Variants in PRDM16 observed in about 807,000 individuals in gnomAD.
The protein encoded by PRDM16 is histone-lysine N-methyltransferase PRDM16.
In PRDM16, 23 loss-of-function variants were observed where a neutral mutation model predicts 110.6. That is an observed-to-expected ratio of 0.21 (90% CI 0.15 to 0.29). The LOEUF is 0.29. Among genes scored for constraint, PRDM16 ranks in the 10% least tolerant of loss-of-function variants. The pLI is 1.00. For synonymous variants in PRDM16, 799 were observed against 781.8 expected (o/e 1.02, Z -0.37); for missense variants, 1,615 against 1,794.3 (o/e 0.90, Z 1.81).
chr1:3,239,376 G>A (rs1320751119), intron 2 of PRDM16, among the ~76,000 whole-genome samples: 3 of 152,188 alleles, frequency 2.0e-5, no homozygotes, highest in South Asian at 2.1e-4. Flanking sequence ...TGCTCAGACT[G>A]TGTCCAGCAG....
intron 2 of PRDM16, among the ~76,000 whole-genome samples, chr1:3,223,265 G>T (rs1191380821): frequency 6.6e-6 from 1 of 152,008 alleles, no homozygotes; most frequent in East Asian, 1.9e-4. Flanking sequence ...TTTTAACTAG[G>T]GCGCGGCTCA....
intron 1 of PRDM16, among the ~76,000 whole-genome samples, chr1:3,107,566 T>G (rs1369849327): frequency 6.6e-6 from 1 of 152,244 alleles, no homozygotes; most frequent in Non-Finnish European, 1.5e-5. Flanking sequence ...GAGTAGCTGC[T>G]GGTTAACTTC....
At chr1:3,391,291 CA>C (rs1168724820) in intron 4 of PRDM16, among the ~76,000 whole-genome samples, 3 of 152,152 alleles carry the variant, frequency 2.0e-5, no homozygotes, top group South Asian at 2.1e-4. Context: ...CAAAAGACTC[CA>C]AAATACATGC....
In PRDM16 at chr1:3,316,649, C is replaced by CACAGTGACACAGGGTAGACAGGAA. The variant is rs1230143413; in HGVS notation, c.439-68469_439-68446dup. Among the ~76,000 whole-genome samples the CACAGTGACACAGGGTAGACAGGAA allele has an allele frequency of 2.0e-4, 29 of 145,298 alleles. No individual in the cohort carries two copies. In the East Asian group the frequency reaches 2.3e-3, roughly 11 times the overall value. On this transcript the variant is annotated intron_variant, in intron 3 of 16. Coordinates refer to ENST00000270722, the MANE Select transcript of PRDM16 (RefSeq NM_022114.4). ...ACACAGGGTAGGCAGAAAACAGTGA[C>CACAGTGACACAGGGTAGACAGGAA]ACAGTGACACAGGGTAGACAGGAAA...
At chr1:3,169,415 A>G (rs1249370419) in intron 1 of PRDM16, among the ~76,000 whole-genome samples, 1 of 152,070 alleles carries the variant, frequency 6.6e-6, no homozygotes, top group Non-Finnish European at 1.5e-5. Flanking sequence ...CGGGGGTTGG[A>G]AGATACCACA....
chr1:3,342,674 T>A (rs1642294211), intron 3 of PRDM16, among the ~76,000 whole-genome samples: 2 of 152,254 alleles, frequency 1.3e-5, no homozygotes, highest in South Asian at 2.1e-4. Context: ...CCAGCCGCTG[T>A]TCTGATGTCT....
At chr1:3,340,257 C>A (rs1169045305) in intron 3 of PRDM16, among the ~76,000 whole-genome samples, 1 of 152,086 alleles carries the variant, frequency 6.6e-6, no homozygotes, top group Non-Finnish European at 1.5e-5. Context: ...CAAGCAGACC[C>A]CACGAGCCCA....
intron 8 of PRDM16, among the ~76,000 whole-genome samples, chr1:3,410,603 G>A (rs1643669136): frequency 6.6e-6 from 1 of 152,194 alleles, no homozygotes; most frequent in South Asian, 2.1e-4. Context: ...CAACCCAGAG[G>A]CTGCCTTCTC....
In PRDM16 at chr1:3,243,878, G is replaced by A. The variant is rs1230930879; in HGVS notation, c.388-209G>A. Among the ~76,000 whole-genome samples, 2 of 152,210 alleles carry A rather than the reference G, an allele frequency of 1.3e-5. No individual in the cohort carries two copies. Among genetic ancestry groups the A allele is most frequent in the East Asian group, 1.9e-4 (1 of 5,168 alleles). On this transcript the variant is annotated intron_variant, in intron 2 of 16. Coordinates refer to ENST00000270722, the MANE Select transcript of PRDM16 (RefSeq NM_022114.4). This position sits in a 1 kb window ranked among gnomAD's most constrained non-coding sequence, Gnocchi z 5.5. ...CAGGGAGGTGAAGTCCCTGGGGGGC[G>A]CTTGGAGTCCTCGGTGACTGGGGGA...
At chr1:3,334,443 G>T (rs1642104555) in intron 3 of PRDM16, among the ~76,000 whole-genome samples, 3 of 152,184 alleles carry the variant, frequency 2.0e-5, no homozygotes, top group Admixed American at 2.0e-4. Flanking sequence ...TGTCACTAGG[G>T]TCATTTCTGA....
chr1:3,270,663 GA>G (rs1640426222), intron 3 of PRDM16, among the ~76,000 whole-genome samples: 4 of 109,838 alleles, frequency 3.6e-5, no homozygotes, highest in African/African-American at 1.1e-4. Context: ...GAACAGTCAG[GA>G]GGAGGACAGT....
At position 3,385,137 on chromosome 1, in the gene PRDM16, C is replaced by T. The variant is rs774273076; in HGVS notation, c.439-15C>T. 2 of 1,613,236 alleles carry T rather than the reference C, an allele frequency of 1.2e-6. No individual in the cohort carries two copies. Among genetic ancestry groups the T allele is most frequent in the Admixed American group, 1.7e-5 (1 of 60,032 alleles). On this transcript the variant is annotated splice_polypyrimidine_tract_variant and intron_variant, in intron 3 of 16. Coordinates refer to ENST00000270722, the MANE Select transcript of PRDM16 (RefSeq NM_022114.4). ...CAGGGCACCTCTGACTCCCGCTTCG[C>T]TTTCCTCCCAGCAGATCTCCGAAGA... is the stretch of plus-strand genomic sequence containing the variant.
At chr1:3,286,355 G>A (rs186712679) in intron 3 of PRDM16, among the ~76,000 whole-genome samples, 6 of 152,326 alleles carry the variant, frequency 3.9e-5, no homozygotes, top group Admixed American at 2.0e-4. Context: ...CCCACAGCCC[G>A]AAGGGCCGCC....
chr1:3,296,545 A>G (rs1400720781), intron 3 of PRDM16, among the ~76,000 whole-genome samples: 1 of 152,158 alleles, frequency 6.6e-6, no homozygotes, highest in Non-Finnish European at 1.5e-5. Context: ...AGGAGAGGAG[A>G]GAGGCCAAGA....
chr1:3,374,536 C>T (rs1197826955), intron 3 of PRDM16, among the ~76,000 whole-genome samples: 4 of 152,208 alleles, frequency 2.6e-5, no homozygotes, highest in Non-Finnish European at 5.9e-5. Flanking sequence ...CACCTAGCAG[C>T]TGGCCTGGGT....
At chr1:3,369,278 C>T (rs1239796756) in intron 3 of PRDM16, among the ~76,000 whole-genome samples, 2 of 152,236 alleles carry the variant, frequency 1.3e-5, no homozygotes. Flanking sequence ...ACTTGCCGAT[C>T]TGGCCCATCG....
At chr1:3,298,029 C>A (rs1307556651) in intron 3 of PRDM16, among the ~76,000 whole-genome samples, 1 of 152,220 alleles carries the variant, frequency 6.6e-6, no homozygotes. Context: ...GCACGTCACC[C>A]AAGGTACACT....
intron 3 of PRDM16, among the ~76,000 whole-genome samples, chr1:3,286,512 C>T (rs576584709): frequency 4.4e-4 from 67 of 152,268 alleles, no homozygotes; most frequent in Admixed American, 1.4e-3. Context: ...ACCTCCTCAC[C>T]AACTGGACCC....
At chr1:3,139,484 G>A (rs1011637129) in intron 1 of PRDM16, among the ~76,000 whole-genome samples, 1 of 152,234 alleles carries the variant, frequency 6.6e-6, no homozygotes, top group East Asian at 1.9e-4. Context: ...CTGCTGGCAG[G>A]GGCGGGGTCC....
Sources: gnomAD v4.1 joint callset for allele counts (sites outside exome capture counted in the v4.1 genomes callset) on GRCh38, gnomAD v4.1.1 for gene constraint, Gnocchi (gnomAD v3.1) non-coding constraint, MANE v1.5 for transcripts, NCBI Gene and HGNC (gene_info 2026-07-23, HGNC 2026-07-21) for gene names.